Variants in NTRK2 observed in about 807,000 individuals in gnomAD.
NTRK2 encodes BDNF/NT-3 growth factors receptor.
In NTRK2, 13 loss-of-function variants were observed where a neutral mutation model predicts 94.5. That is an observed-to-expected ratio of 0.14 (90% confidence interval 0.09 to 0.22). The LOEUF (loss-of-function observed/expected upper bound fraction) is 0.22. Among genes scored for constraint, NTRK2 ranks in the 10% least tolerant of loss-of-function variants. The pLI is 1.00. For synonymous variants in NTRK2, 372 were observed against 407.4 expected, an observed-to-expected ratio of 0.91 and a Z score of 1.05; for missense variants, 639 against 1,071.2, an observed-to-expected ratio of 0.60 and a Z score of 5.63.
Position 84,867,447 on chromosome 9 carries a change from T to G in NTRK2, c.1633+16T>G. ...CCAGACACATGTAAGTACAGCTGTT[T>G]GTACTTATTGTCCCATTTGCTGCAT... On this transcript the variant is annotated intron_variant, in intron 14 of 18. Coordinates refer to ENST00000277120, the MANE Select transcript of NTRK2 (RefSeq NM_006180.6). 1 of 1,604,424 alleles carries G rather than the reference T, an allele frequency of 6.2e-7. No homozygotes were observed. The highest frequency in any genetic ancestry group is 8.5e-7 in the Non-Finnish European group (1 of 1,171,128).
intron 12 of NTRK2, among the ~76,000 whole-genome samples, chr9:84,842,539 T>C (rs1244593415): frequency 2.0e-5 from 3 of 152,114 alleles, no homozygotes; most frequent in Non-Finnish European, 4.4e-5. Flanking sequence ...TGGCCGTGGC[T>C]CTGCCTCTCC....
chr9:84,764,825 T>A (rs138352683), intron 12 of NTRK2, among the ~76,000 whole-genome samples: 2 of 152,134 alleles, frequency 1.3e-5, no homozygotes, highest in African/African-American at 4.8e-5. Context: ...CATCAGCAGA[T>A]GAATGGATAA....
At chr9:84,852,613 T>C (rs934220230) in intron 12 of NTRK2, among the ~76,000 whole-genome samples, 1 of 152,210 alleles carries the variant, frequency 6.6e-6, no homozygotes, top group Non-Finnish European at 1.5e-5. Flanking sequence ...TGACCACCTC[T>C]GTTAAAGAAA....
Position 84,799,366 on chromosome 9 carries a change from C to A in NTRK2, c.1396+47281C>A, listed in dbSNP as rs140306480. Among the ~76,000 whole-genome samples, 27 of 152,152 alleles carry A rather than the reference C, an allele frequency of 1.8e-4. 1 individual carries two copies. The East Asian group carries it at 3.7e-3, about 21-fold the overall frequency. ...GGAAACTGGGTCATTTTTCTGAAAT[C>A]ATCTTTCTTTGCCAATGCCATTTTT... On this transcript the variant is annotated intron_variant, in intron 12 of 18. Transcript: ENST00000277120.
chr9:84,800,043 G>A (rs186620903), intron 12 of NTRK2, among the ~76,000 whole-genome samples: 3 of 152,298 alleles, frequency 2.0e-5, no homozygotes, highest in Non-Finnish European at 2.9e-5. Context: ...TTTAGTTAGG[G>A]TTTGGTTCAT....
At chr9:84,888,034 AG>A (rs1182855842) in intron 14 of NTRK2, among the ~76,000 whole-genome samples, 10 of 152,200 alleles carry the variant, frequency 6.6e-5, no homozygotes, top group African/African-American at 2.4e-4. Flanking sequence ...GATAAACTAC[AG>A]AGTGGAACAG....
At chr9:84,706,751 C>T (rs1002676285) in intron 4 of NTRK2, among the ~76,000 whole-genome samples, 32 of 151,558 alleles carry the variant, frequency 2.1e-4, no homozygotes, top group African/African-American at 6.5e-4. Context: ...AGGATGGTCT[C>T]GATCTCCTGA....
chr9:84,675,324 C>T lies in NTRK2; in HGVS notation c.212+4364C>T, dbSNP rs1273241658. On this transcript the variant is annotated intron_variant, in intron 2 of 18. Coordinates refer to ENST00000277120, the MANE Select transcript of NTRK2 (RefSeq NM_006180.6). Reference sequence around the variant, plus strand: ...CTCTTCTCCTTTCTTTCTTTCTTTCCTTTTTTTTTTTTTTTTTTTTTTTTT... The same window carrying T: ...CTCTTCTCCTTTCTTTCTTTCTTTCTTTTTTTTTTTTTTTTTTTTTTTTTT... 1.8e-3 allele frequency among the ~76,000 whole-genome samples: 121 copies of T among 67,298 alleles called. 1 individual carries two copies. Among genetic ancestry groups the T allele is most frequent in the African/African-American group, 6.1e-3 (101 of 16,506 alleles). The allele number at this position is 67,298 out of a possible 152,430, so 44.2% of individuals were successfully genotyped here.
At chr9:84,971,462 G>A (rs942593183) in intron 17 of NTRK2, among the ~76,000 whole-genome samples, 1 of 152,200 alleles carries the variant, frequency 6.6e-6, no homozygotes, top group African/African-American at 2.4e-5. Context: ...TGGGAAGACT[G>A]AGGAGGGCAT....
Position 84,812,497 on chromosome 9 carries a change from A to G in NTRK2, c.1397-48543A>G, listed in dbSNP as rs41277885. 4,885 of 1,048,616 alleles carry G rather than the reference A, an allele frequency of 4.7e-3. 12 individuals carry two copies. Among genetic ancestry groups the G allele is most frequent in the Middle Eastern group, 9.2e-3 (21 of 2,292 alleles). The allele number at this position is 1,048,616 out of a possible 1,614,324, so 65.0% of individuals were successfully genotyped here. A position where few individuals can be genotyped will look rare whatever the true frequency, so the allele number is the denominator to read the frequency against. On this transcript the variant is annotated intron_variant, in intron 12 of 18. Coordinates refer to ENST00000277120, the MANE Select transcript of NTRK2 (RefSeq NM_006180.6). ...AATTCCCATTTTCTTGTTCGCGGCT[A>G]AATGACAGTTTCTGTCATTACTTAG...
intron 17 of NTRK2, among the ~76,000 whole-genome samples, chr9:84,983,590 A>G (rs1827921148): frequency 6.6e-6 from 1 of 152,218 alleles, no homozygotes; most frequent in Non-Finnish European, 1.5e-5. Flanking sequence ...GTGCTCTTCA[A>G]TTCTAAATCT....
In NTRK2 at chr9:85,020,039, G is replaced by A. The variant is rs569006718; in HGVS notation, c.2173-167G>A. ...TGATTTTGATCACTCTTTGCCTTCT[G>A]TCTCTGTTGCTTGAGACTGTGAAGA... On this transcript the variant is annotated intron_variant, in intron 17 of 18. Coordinates refer to ENST00000277120, the MANE Select transcript of NTRK2 (RefSeq NM_006180.6). Among the ~76,000 whole-genome samples, 4 of 152,248 alleles carry A rather than the reference G, an allele frequency of 2.6e-5. No homozygotes were observed. The South Asian group carries it at 8.3e-4, about 32-fold the overall frequency.
chr9:84,797,686 TAATA>T, intron 12 of NTRK2, among the ~76,000 whole-genome samples: 1 of 81,742 alleles, frequency 1.2e-5, no homozygotes, highest in Non-Finnish European at 2.2e-5. Flanking sequence ...ATATATACTA[TAATA>T]TATATATTAT....
At chr9:84,985,785 C>T (rs866464200) in intron 17 of NTRK2, among the ~76,000 whole-genome samples, 8 of 152,132 alleles carry the variant, frequency 5.3e-5, no homozygotes, top group African/African-American at 9.7e-5. Flanking sequence ...ATTAAGGCTC[C>T]GTGTTAAGAC....
intron 12 of NTRK2, among the ~76,000 whole-genome samples, chr9:84,817,161 A>G (rs1346060970): frequency 1.3e-5 from 2 of 152,190 alleles, no homozygotes; most frequent in Non-Finnish European, 1.5e-5. Context: ...ATTGCTAATA[A>G]CTAATACTTC....
rs189753738 is a variant in NTRK2, at chr9:84,949,848, A to C, written c.1937+1214A>C. Among the ~76,000 whole-genome samples, 186 of 152,326 alleles carry C rather than the reference A, an allele frequency of 1.2e-3. 1 individual carries two copies. The highest frequency in any genetic ancestry group is 4.3e-3 in the African/African-American group (179 of 41,580). On this transcript the variant is annotated intron_variant, in intron 16 of 18. Coordinates refer to ENST00000277120, the MANE Select transcript of NTRK2 (RefSeq NM_006180.6). The stretch of plus-strand genomic sequence containing the variant: ...GGTACAGGGAACTGGGAGGAACCAC[A>C]AGATAGAGCAGGTGAGAAATGGCTG...
At chr9:84,972,745 T>G (rs956064343) in intron 17 of NTRK2, among the ~76,000 whole-genome samples, 1 of 152,230 alleles carries the variant, frequency 6.6e-6, no homozygotes, top group Non-Finnish European at 1.5e-5. Context: ...GTCTTAAGAT[T>G]ATATGAAATT....
intron 15 of NTRK2, among the ~76,000 whole-genome samples, chr9:84,944,273 T>C (rs2078521449): frequency 1.3e-5 from 2 of 150,498 alleles, no homozygotes; most frequent in African/African-American, 4.9e-5. Context: ...TCTTTTTTTT[T>C]TTTTTTTGAG....
chr9:84,992,995 C>G (rs939429894), intron 17 of NTRK2, among the ~76,000 whole-genome samples: 1 of 151,616 alleles, frequency 6.6e-6, no homozygotes, highest in Non-Finnish European at 1.5e-5. Flanking sequence ...GGAAATCAAG[C>G]CAATAGGCAT....
Sources: gnomAD v4.1 joint callset for allele counts (sites outside exome capture counted in the v4.1 genomes callset) on GRCh38, gnomAD v4.1.1 for gene constraint, MANE v1.5 for transcripts, NCBI Gene and HGNC (gene_info 2026-07-23, HGNC 2026-07-21) for gene names.